The following MYO16 variants were observed in gnomAD, a reference collection of about 807,000 sequenced individuals.
MYO16 encodes the protein myosin XVI, also known as unconventional myosin-XVI.
Under a neutral mutation model 205.3 loss-of-function variants are expected in MYO16, and 94 were observed. That is an observed-to-expected ratio of 0.46 (90% CI 0.39 to 0.54). MYO16 has a LOEUF of 0.54. Ranked by LOEUF, MYO16 falls within the 20% of genes least tolerant of loss-of-function variation. The pLI is 0.00. For missense variants in MYO16, 2,315 were observed against 2,387.5 expected (o/e 0.97, Z 0.63); for synonymous variants, 988 against 954.0 (o/e 1.04, Z -0.66).
At chr13:109,117,119 C>G (rs1875729982) in intron 28 of MYO16, among the ~76,000 whole-genome samples, 2 of 142,066 alleles carry the variant, frequency 1.4e-5, no homozygotes. Context: ...CTGCCACCTT[C>G]TGTGACTTAT....
chr13:108,949,550 A>G (rs189634715), intron 16 of MYO16, among the ~76,000 whole-genome samples: 15 of 152,352 alleles, frequency 9.8e-5, no homozygotes, highest in Admixed American at 9.8e-4. Context: ...AAAGAGACTT[A>G]TAATGTTCAT....
intron 6 of MYO16, among the ~76,000 whole-genome samples, chr13:108,799,142 ATGGTCATTT>A (rs1886894276): frequency 6.6e-6 from 1 of 152,180 alleles, no homozygotes; most frequent in Admixed American, 6.5e-5. Flanking sequence ...CATTGATTTT[ATGGTCATTT>A]TTAAAGAATA....
intron 2 of MYO16, among the ~76,000 whole-genome samples, chr13:108,703,038 C>T (rs1474021829): frequency 6.6e-6 from 1 of 151,988 alleles, no homozygotes; most frequent in Non-Finnish European, 1.5e-5. Flanking sequence ...AGGTATAATA[C>T]ACATAACAAA....
At chr13:109,155,316 G>A (rs1242038950) in intron 32 of MYO16, among the ~76,000 whole-genome samples, 9 of 152,064 alleles carry the variant, frequency 5.9e-5, no homozygotes, top group Non-Finnish European at 7.4e-5. Context: ...AAGTATCTGC[G>A]GCACTCGCTA....
In MYO16 at chr13:108,636,346, CTTTTTTTT is replaced by C. The variant is rs71125326; in HGVS notation, c.28+6491_28+6498del. ...TAGTCTTAAATGAAAAAATATTTCC[CTTTTTTTT>C]TTTTTTTTTTTTTTTTGTGTGTGTG... is the stretch of plus-strand genomic sequence containing the variant. On this transcript the variant is annotated intron_variant, in intron 1 of 34. Transcript: ENST00000457511. 3.4e-3 allele frequency among the ~76,000 whole-genome samples: 274 copies of C among 81,184 alleles called. 1 individual carries two copies. The highest frequency in any genetic ancestry group is 6.9e-3 in the South Asian group (16 of 2,316). 53.3% of individuals were successfully genotyped at this position (81,184 alleles called of 152,430 possible).
intron 14 of MYO16, among the ~76,000 whole-genome samples, chr13:108,897,739 T>C (rs931432719): frequency 3.3e-5 from 5 of 152,208 alleles, no homozygotes; most frequent in African/African-American, 1.2e-4. Context: ...GCTGTGTGTG[T>C]AGAGAATGGC....
intron 2 of MYO16, among the ~76,000 whole-genome samples, chr13:108,705,952 T>C (rs1226589901): frequency 6.6e-6 from 1 of 152,082 alleles, no homozygotes; most frequent in African/African-American, 2.4e-5. Flanking sequence ...TTTAAAAATA[T>C]GAACAGGAAG....
At chr13:108,549,406 A>G in the MYO16 span, among the ~76,000 whole-genome samples, 1 of 105,662 alleles carries the variant, frequency 9.5e-6, no homozygotes, top group South Asian at 3.4e-4. Context: ...TGCTGCTGAC[A>G]CCGTTTCTGT....
chr13:109,076,010 T>A (rs1002628595), intron 27 of MYO16, among the ~76,000 whole-genome samples: 1 of 152,202 alleles, frequency 6.6e-6, no homozygotes. Context: ...TAGTTTGTAG[T>A]TTCTGAGGAA....
chr13:108,759,592 T>C (rs35922701), intron 4 of MYO16, among the ~76,000 whole-genome samples: 18,512 of 151,992 alleles, frequency 0.12, 1,216 homozygotes, highest in Non-Finnish European at 0.16. Context: ...GAGGCCGAGG[T>C]GGGCGGATCA....
chr13:108,774,046 G>A (rs1349297609), intron 4 of MYO16, among the ~76,000 whole-genome samples: 1 of 152,004 alleles, frequency 6.6e-6, no homozygotes, highest in Non-Finnish European at 1.5e-5. Flanking sequence ...ACCCGAGATT[G>A]CGCCACTGCA....
intron 33 of MYO16, among the ~76,000 whole-genome samples, chr13:109,170,200 G>A (rs1026946395): frequency 3.3e-5 from 5 of 151,602 alleles, no homozygotes; most frequent in Non-Finnish European, 7.4e-5. Context: ...AATATTCAAC[G>A]TTTATTTAAA....
chr13:108,807,375 GA>G (rs564432944), intron 7 of MYO16, among the ~76,000 whole-genome samples: 1 of 151,598 alleles, frequency 6.6e-6, no homozygotes, highest in Non-Finnish European at 1.5e-5. Context: ...ACGTATTTTA[GA>G]AAAAAAATCA....
chr13:108,865,085 T>C (rs1053401814), intron 11 of MYO16, among the ~76,000 whole-genome samples: 2 of 152,154 alleles, frequency 1.3e-5, no homozygotes, highest in African/African-American at 4.8e-5. Context: ...CAATATTCTA[T>C]CCTAATTCTA....
At chr13:108,609,030 A>G (rs1178742579) in intron 1 of MYO16, among the ~76,000 whole-genome samples, 3 of 152,182 alleles carry the variant, frequency 2.0e-5, no homozygotes, top group African/African-American at 7.2e-5. Flanking sequence ...AAGGTACTCA[A>G]TGGTGACCCC....
Position 109,140,442 on chromosome 13 carries a change from C to A in MYO16, c.4230C>A (p.Thr1410=). Residue 1410 remains threonine, a synonymous_variant, in exon 32 of 35, where the codon ACC becomes ACA. Coordinates refer to ENST00000457511, the MANE Select transcript of MYO16 (RefSeq NM_001198950.3). This position sits in a 1 kb window ranked among gnomAD's most constrained non-coding sequence, Gnocchi z 8.0. ...CGGGGGCAGCAGCGCGCGTTCTGAC[C>A]CCCGGGACTCCGCAGTGCGCGCTGC... ...GAPGAAARVL[T]PGTPQCALPP... 6.4e-7 allele frequency: 1 copy of A among 1,551,806 alleles called. No homozygotes were observed. Among genetic ancestry groups the A allele is most frequent in the Non-Finnish European group, 8.6e-7 (1 of 1,156,134 alleles).
At chr13:108,843,127 A>G (rs1877333470) in intron 9 of MYO16, among the ~76,000 whole-genome samples, 3 of 151,846 alleles carry the variant, frequency 2.0e-5, no homozygotes, top group African/African-American at 7.3e-5. Flanking sequence ...TCAGTCACAG[A>G]GCACACACTT....
intron 28 of MYO16, among the ~76,000 whole-genome samples, chr13:109,108,217 C>A (rs1889179352): frequency 6.6e-6 from 1 of 152,154 alleles, no homozygotes; most frequent in Admixed American, 6.5e-5. Flanking sequence ...TATGACATCT[C>A]TTACAGGGTC....
chr13:108,744,749 T>C (rs184339066), intron 4 of MYO16, among the ~76,000 whole-genome samples: 6 of 152,364 alleles, frequency 3.9e-5, no homozygotes, highest in African/African-American at 1.4e-4. Context: ...AAATGTCCCA[T>C]TTTTTACCCA....
Sources: allele counts gnomAD v4.1 joint callset (sites outside exome capture counted in the v4.1 genomes callset), GRCh38; gene constraint gnomAD v4.1.1; non-coding constraint Gnocchi (gnomAD v3.1); transcripts MANE v1.5; gene names NCBI Gene and HGNC (gene_info 2026-07-23, HGNC 2026-07-21).